The following NEURL1B variants were observed in gnomAD, a reference collection of about 807,000 sequenced individuals.
The protein encoded by NEURL1B is neuralized E3 ubiquitin protein ligase 1B, also known as E3 ubiquitin-protein ligase NEURL1B.
A neutral mutation model predicts 37.4 loss-of-function variants in NEURL1B; 13 were observed. The observed-to-expected ratio is 0.35, with a 90% CI of 0.23 to 0.55. The LOEUF is 0.55. Among genes scored for constraint, NEURL1B ranks in the 20% least tolerant of loss-of-function variants. The probability of loss-of-function intolerance (pLI) is 0.89; values close to 1 mark genes in which losing one functional copy is unlikely to be tolerated. For synonymous variants in NEURL1B, 432 were observed against 426.6 expected, an observed-to-expected ratio of 1.01 and a Z score of -0.16; for missense variants, 790 against 879.2, an observed-to-expected ratio of 0.90 and a Z score of 1.28.
intron 3 of NEURL1B, 61 bp downstream of exon 3, chr5:172,684,199 C>A: frequency 2.6e-6 from 3 of 1,159,240 alleles, no homozygotes; most frequent in South Asian, 4.2e-5. Flanking sequence ...GCCGTCTCAC[C>A]CCGCTGCGCT....
intron 2 of NEURL1B, among the ~76,000 whole-genome samples, chr5:172,677,171 C>A (rs147546282): frequency 6.6e-6 from 1 of 152,024 alleles, no homozygotes; most frequent in South Asian, 2.1e-4. Context: ...GGGAGCCACG[C>A]GGAGTCATTA....
In NEURL1B at chr5:172,681,984, A is replaced by G. The variant is rs947829993; in HGVS notation, c.578-1435A>G. Among the ~76,000 whole-genome samples the G allele has an allele frequency of 2.6e-5, 4 of 152,350 alleles. No homozygotes were observed. In the East Asian group the frequency reaches 5.8e-4, roughly 22 times the overall value. On this transcript the variant is annotated intron_variant, in intron 2 of 4. Coordinates refer to ENST00000369800, the MANE Select transcript of NEURL1B (RefSeq NM_001142651.3). ...TGATGTTGTTGTTATTTAGCATAGC[A>G]GTCTCTTCTAGACCTTAGTCGTTCC...
chr5:172,689,414 A>C lies in NEURL1B; in HGVS notation c.*2489A>C, dbSNP rs1376318932. Reference sequence around the variant, plus strand: ...GCAGGTCTTATTGCCATAATAAGTCACATCAAAGACACTGCTGGTCATAAA... The same window carrying C: ...GCAGGTCTTATTGCCATAATAAGTCCCATCAAAGACACTGCTGGTCATAAA... On this transcript the variant is annotated 3_prime_UTR_variant, in exon 5 of 5. Transcript: ENST00000369800. The C allele has an allele frequency of 1.3e-5, 2 of 152,194 alleles. No homozygotes were observed. Among genetic ancestry groups the C allele is most frequent in the Non-Finnish European group, 2.9e-5 (2 of 68,036 alleles). The allele number at this position is 152,194 out of a possible 1,614,324, so 9.4% of individuals were successfully genotyped here.
At chr5:172,673,804 C>T (rs1438474884) in intron 2 of NEURL1B, among the ~76,000 whole-genome samples, 7 of 108,802 alleles carry the variant, frequency 6.4e-5, no homozygotes, top group South Asian at 3.4e-4. Context: ...ATGTTTGGGA[C>T]GTACTTATGC....
intron 1 of NEURL1B, among the ~76,000 whole-genome samples, chr5:172,664,121 G>A (rs948327232): frequency 3.3e-5 from 5 of 152,102 alleles, no homozygotes; most frequent in African/African-American, 1.2e-4. Context: ...GCACTCTGAT[G>A]GTAAGAAAGT....
In NEURL1B at chr5:172,687,073, A is replaced by G; in HGVS notation, c.*148A>G. 1.1e-6 allele frequency: 1 copy of G among 951,094 alleles called. No individual in the cohort carries two copies. The allele number at this position is 951,094 out of a possible 1,614,324, so 58.9% of individuals were successfully genotyped here. On this transcript the variant is annotated 3_prime_UTR_variant, in exon 5 of 5. Coordinates refer to ENST00000369800, the MANE Select transcript of NEURL1B (RefSeq NM_001142651.3). ...GTGTGACAGTCGTGGAGCGAGGCCC[A>G]CAGGGCCTCAGCCCAGGCAGGGGTT... is the stretch of plus-strand genomic sequence containing the variant.
Position 172,683,260 on chromosome 5 carries a change from A to G in NEURL1B, c.578-159A>G, listed in dbSNP as rs978087888. 1.3e-5 allele frequency among the ~76,000 whole-genome samples: 2 copies of G among 152,126 alleles called. No individual in the cohort carries two copies. The highest frequency in any genetic ancestry group is 4.8e-5 in the African/African-American group (2 of 41,436). ...GCTCCTGTGACTCACTAAATAACAC[A>G]GATGGACAAAAGGAGAGTTCGAAGC... On this transcript the variant is annotated intron_variant, in intron 2 of 4. Transcript: ENST00000369800. The surrounding 1 kb of genome is among the most constrained non-coding windows in gnomAD (Gnocchi z 5.6).
intron 2 of NEURL1B, among the ~76,000 whole-genome samples, chr5:172,678,426 C>T (rs905352556): frequency 6.6e-6 from 1 of 152,230 alleles, no homozygotes; most frequent in Non-Finnish European, 1.5e-5. Context: ...AGCCTCTCCT[C>T]CTACATCTGA....
In NEURL1B at chr5:172,686,634, C is replaced by T. The variant is rs949147979; in HGVS notation, c.1424-47C>T. 6.6e-7 allele frequency: 1 copy of T among 1,525,544 alleles called. No individual in the cohort carries two copies. The highest frequency in any genetic ancestry group is 1.4e-5 in the African/African-American group (1 of 72,778). The allele number at this position is 1,525,544 out of a possible 1,614,324, so 94.5% of individuals were successfully genotyped here. A position where few individuals can be genotyped will look rare whatever the true frequency, so the allele number is the denominator to read the frequency against. On this transcript the variant is annotated intron_variant, in intron 4 of 4. Coordinates refer to ENST00000369800, the MANE Select transcript of NEURL1B (RefSeq NM_001142651.3). This position sits in a 1 kb window ranked among gnomAD's most constrained non-coding sequence, Gnocchi z 7.9. Reference sequence around the variant, plus strand: ...CTCGGGGTTGCCCCAACAGAGCCCACCTGAGAGAGACATTGTTAACATATG... The same window carrying T: ...CTCGGGGTTGCCCCAACAGAGCCCATCTGAGAGAGACATTGTTAACATATG...
rs897426304 is a variant in NEURL1B, at chr5:172,689,192, A to C, written c.*2267A>C. 1.3e-5 allele frequency: 2 copies of C among 152,244 alleles called. No individual in the cohort carries two copies. Among genetic ancestry groups the C allele is most frequent in the African/African-American group, 4.8e-5 (2 of 41,452 alleles). The allele number at this position is 152,244 out of a possible 1,614,324, so 9.4% of individuals were successfully genotyped here. ...TCCAAGAGGAGGTAAGGAAGTGTTT[A>C]TCTTCTAAAAACCAGACGTTTCCTG... On this transcript the variant is annotated 3_prime_UTR_variant, in exon 5 of 5. Coordinates refer to ENST00000369800, the MANE Select transcript of NEURL1B (RefSeq NM_001142651.3).
rs980466800 is a variant in NEURL1B at position 172,683,805 on chromosome 5, A to G, written c.964A>G (p.Ser322Gly). 2 of 1,312,058 alleles carry G rather than the reference A, an allele frequency of 1.5e-6. No individual in the cohort carries two copies. Among genetic ancestry groups the G allele is most frequent in the South Asian group, 1.8e-5 (1 of 55,850 alleles). 81.3% of individuals were successfully genotyped at this position (1,312,058 alleles called of 1,614,324 possible). ...FSERPLRPGE[S>G]LFVEVGRPGL... ...CGAGCGCCCGCTGCGGCCCGGCGAG[A>G]GCCTCTTCGTGGAGGTGGGCCGTCC... The change falls in exon 3 of 5, where the codon AGC becomes GGC. Residue 322 changes from serine (S) to glycine (G), a missense_variant. Coordinates refer to ENST00000369800, the MANE Select transcript of NEURL1B (RefSeq NM_001142651.3). The surrounding 1 kb of genome is among the most constrained non-coding windows in gnomAD (Gnocchi z 5.6).
chr5:172,685,996 A>G (rs561103762), intron 3 of NEURL1B, among the ~76,000 whole-genome samples, 175 bp from the exon 4 acceptor site: 2 of 152,324 alleles, frequency 1.3e-5, no homozygotes, highest in African/African-American at 4.8e-5. Flanking sequence ...CCTGGTAGAC[A>G]AAGAACAGAG....
intron 1 of NEURL1B, chr5:172,656,522 C>G (rs1757781379): frequency 1.2e-6 from 2 of 1,608,796 alleles, no homozygotes; most frequent in South Asian, 1.1e-5. Context: ...GAACAGCTTA[C>G]TTTTTGCCAG....
At position 172,641,403 on chromosome 5, in the gene NEURL1B, A is replaced by G; in HGVS notation, c.-4A>G. 1 of 1,372,228 alleles carries G rather than the reference A, an allele frequency of 7.3e-7. No homozygotes were observed. Among genetic ancestry groups the G allele is most frequent in the South Asian group, 1.7e-5 (1 of 60,286 alleles). The allele number at this position is 1,372,228 out of a possible 1,614,324, so 85.0% of individuals were successfully genotyped here. On this transcript the variant is annotated 5_prime_UTR_variant, in exon 1 of 5. Coordinates refer to ENST00000369800, the MANE Select transcript of NEURL1B (RefSeq NM_001142651.3). This position sits in a 1 kb window ranked among gnomAD's most constrained non-coding sequence, Gnocchi z 6.4. ...CCGCCGCCAACGCCGCGCCCGACGC[A>G]GCGATGGGCAACACGGTGCACCGGA...
chr5:172,682,995 GCT>G (rs1758390638), intron 2 of NEURL1B, among the ~76,000 whole-genome samples: 1 of 152,184 alleles, frequency 6.6e-6, no homozygotes, highest in Non-Finnish European at 1.5e-5. Flanking sequence ...GTACAGGTTT[GCT>G]CTTTTTATTG....
chr5:172,654,278 C>T (rs1021687460), intron 1 of NEURL1B, among the ~76,000 whole-genome samples: 1 of 152,172 alleles, frequency 6.6e-6, no homozygotes, highest in African/African-American at 2.4e-5. Context: ...GGAAACAGCT[C>T]GCACTTTGAG....
chr5:172,668,518 C>T (rs1013878707), intron 1 of NEURL1B, among the ~76,000 whole-genome samples: 1 of 152,130 alleles, frequency 6.6e-6, no homozygotes, highest in Non-Finnish European at 1.5e-5. Context: ...TTTCCCCTGC[C>T]CTAGCTCCCA....
rs1403258214 is a variant in NEURL1B at position 172,641,401 on chromosome 5, G to A, written c.-6G>A. ...CGCCGCCGCCAACGCCGCGCCCGACGCAGCGATGGGCAACACGGTGCACCG... is the reference window on the plus strand; with the variant it reads ...CGCCGCCGCCAACGCCGCGCCCGACACAGCGATGGGCAACACGGTGCACCG... On this transcript the variant is annotated 5_prime_UTR_variant, in exon 1 of 5. Transcript: ENST00000369800. The surrounding 1 kb of genome is among the most constrained non-coding windows in gnomAD (Gnocchi z 6.4). 3 of 1,370,658 alleles carry A rather than the reference G, an allele frequency of 2.2e-6. No homozygotes were observed. The highest frequency in any genetic ancestry group is 1.9e-6 in the Non-Finnish European group (2 of 1,064,772). 84.9% of individuals were successfully genotyped at this position (1,370,658 alleles called of 1,614,324 possible). A position where few individuals can be genotyped will look rare whatever the true frequency, so the allele number is the denominator to read the frequency against.
At chr5:172,663,624 A>C (rs1757946288) in intron 1 of NEURL1B, among the ~76,000 whole-genome samples, 1 of 149,292 alleles carries the variant, frequency 6.7e-6, no homozygotes, top group African/African-American at 2.5e-5. Context: ...CTGAGTCCCC[A>C]CCTCACAGAA....
Sources: allele counts gnomAD v4.1 joint callset (sites outside exome capture counted in the v4.1 genomes callset), GRCh38; gene constraint gnomAD v4.1.1; non-coding constraint Gnocchi (gnomAD v3.1); transcripts MANE v1.5; gene names NCBI Gene and HGNC (gene_info 2026-07-23, HGNC 2026-07-21).